The following SP100 variants were observed in gnomAD, a reference collection of about 807,000 sequenced individuals.
SP100 encodes SP100 nuclear body protein, also known as nuclear autoantigen Sp-100.
In SP100, 84 loss-of-function variants were observed where a neutral mutation model predicts 130.0. The ratio of observed to expected loss-of-function variants is 0.65; its 90% confidence interval spans 0.54 to 0.77. SP100 has a LOEUF of 0.77. Among genes scored for constraint, SP100 ranks in the 30% least tolerant of loss-of-function variants. The pLI is 0.00. For synonymous variants in SP100, 331 were observed against 351.7 expected, an observed-to-expected ratio of 0.94 and a Z score of 0.66; for missense variants, 978 against 1,052.2, an observed-to-expected ratio of 0.93 and a Z score of 0.97.
At chr2:230,427,997 G>A (rs1188996065) in intron 2 of SP100, among the ~76,000 whole-genome samples, 1 of 152,152 alleles carries the variant, frequency 6.6e-6, no homozygotes, top group African/African-American at 2.4e-5. Flanking sequence ...TTGAGAGGCC[G>A]AGGTGGGTGG....
chr2:230,467,785 A>T (rs2065038681), intron 13 of SP100, among the ~76,000 whole-genome samples: 1 of 152,194 alleles, frequency 6.6e-6, no homozygotes, highest in Non-Finnish European at 1.5e-5. Flanking sequence ...TCACTGCCAG[A>T]CCTATTAACT....
At chr2:230,442,585 T>G (rs1464983638) in intron 2 of SP100, among the ~76,000 whole-genome samples, 1 of 152,232 alleles carries the variant, frequency 6.6e-6, no homozygotes, top group African/African-American at 2.4e-5. Context: ...TTTATTCCAT[T>G]GTTTTTCATT....
chr2:230,522,253 A>G (rs1691205823), intron 24 of SP100, among the ~76,000 whole-genome samples: 1 of 151,976 alleles, frequency 6.6e-6, no homozygotes, highest in Admixed American at 6.6e-5. Flanking sequence ...TGTTTTGGTG[A>G]TTGTGTGTGT....
Position 230,506,582 on chromosome 2 carries a change from T to C in SP100, c.2013+137T>C, listed in dbSNP as rs1285025319. ...CAGGTCTCCATGCATATGTTATTAC[T>C]AACGTTCTCACCTGAACATTACGTT... On this transcript the variant is annotated intron_variant, in intron 22 of 28. Coordinates refer to ENST00000340126, the MANE Select transcript of SP100 (RefSeq NM_001080391.2). 9 of 786,846 alleles carry C rather than the reference T, an allele frequency of 1.1e-5. No individual in the cohort carries two copies. The East Asian group carries it at 2.4e-4, about 21-fold the overall frequency. The allele number at this position is 786,846 out of a possible 1,614,324, so 48.7% of individuals were successfully genotyped here.
At chr2:230,430,122 T>C (rs1415913321) in intron 2 of SP100, among the ~76,000 whole-genome samples, 4 of 152,236 alleles carry the variant, frequency 2.6e-5, no homozygotes, top group Non-Finnish European at 5.9e-5. Context: ...GGGAAAGCCC[T>C]TCACTAGTCA....
intron 19 of SP100, among the ~76,000 whole-genome samples, chr2:230,501,995 A>C (rs1244055691): frequency 1.3e-5 from 2 of 149,668 alleles, no homozygotes; most frequent in Admixed American, 1.3e-4. Flanking sequence ...CAGCCTCCCG[A>C]GTAGCTGGGA....
At chr2:230,427,379 C>T (rs1220465594) in intron 2 of SP100, among the ~76,000 whole-genome samples, 2 of 152,118 alleles carry the variant, frequency 1.3e-5, no homozygotes, top group African/African-American at 4.8e-5. Context: ...CCAGGCTGGT[C>T]TCGAGCTCCC....
At chr2:230,472,484 A>T (rs2065323602) in intron 15 of SP100, among the ~76,000 whole-genome samples, 1 of 151,436 alleles carries the variant, frequency 6.6e-6, no homozygotes, top group East Asian at 1.9e-4. Context: ...ACAAGCTAGA[A>T]GAGAGAATAG....
rs182984370 is a variant in SP100 at position 230,462,631 on chromosome 2, T to C, written c.1057+113T>C. 7.6e-6 allele frequency: 6 copies of C among 788,744 alleles called. No individual in the cohort carries two copies. In the East Asian group the frequency reaches 1.5e-4, roughly 20 times the overall value. The allele number at this position is 788,744 out of a possible 1,614,324, so 48.9% of individuals were successfully genotyped here. On this transcript the variant is annotated intron_variant, in intron 10 of 28. Transcript: ENST00000340126. ...TCTGTACAATGGATCCAGTTTATCC[T>C]GGGATCCCATTCTTTGCATTAATTT...
Position 230,450,199 on chromosome 2 carries a change from T to G in SP100, c.764T>G (p.Val255Gly), listed in dbSNP as rs2063906826. 1.9e-6 allele frequency: 3 copies of G among 1,613,792 alleles called. No individual in the cohort carries two copies. Among genetic ancestry groups the G allele is most frequent in the Admixed American group, 1.7e-5 (1 of 59,966 alleles). The change falls in exon 8 of 29, where the codon GTG becomes GGG. Residue 255 changes from valine (V) to glycine (G), a missense_variant. Physicochemically the swap from Val to Gly is moderately radical, Grantham distance 109 (BLOSUM62 -3). Coordinates refer to ENST00000340126, the MANE Select transcript of SP100 (RefSeq NM_001080391.2). ...TCCTGCGAACAAATTGCTGTCCAAG[T>G]GAATAATGGGGATGCTGGAAGGGAG... Reference protein sequence around the residue: ...TESCEQIAVQVNNGDAGREMP... With the variant: ...TESCEQIAVQGNNGDAGREMP...
chr2:230,464,184 G>C (rs761313755), intron 11 of SP100, 34 bp downstream of exon 11: 1 of 1,269,762 alleles, frequency 7.9e-7, no homozygotes, highest in Non-Finnish European at 1.2e-6. Context: ...CGAGACTGTA[G>C]AATATCCAGA....
At chr2:230,515,165 C>T (rs2150089227) in intron 24 of SP100, 1 of 1,613,436 alleles carries the variant, frequency 6.2e-7, no homozygotes, top group Non-Finnish European at 8.5e-7. Flanking sequence ...TGCTCAGAGA[C>T]ATGGAAGACC....
chr2:230,524,625 A>G (rs1691341493), intron 24 of SP100, among the ~76,000 whole-genome samples: 1 of 152,218 alleles, frequency 6.6e-6, no homozygotes, highest in Non-Finnish European at 1.5e-5. Context: ...TAAATAAAAT[A>G]TAAATGGATA....
intron 16 of SP100, among the ~76,000 whole-genome samples, chr2:230,474,079 C>T (rs1012650230): frequency 6.6e-6 from 1 of 152,130 alleles, no homozygotes; most frequent in Non-Finnish European, 1.5e-5. Flanking sequence ...TAGTGATTTC[C>T]TATTAACTCT....
intron 2 of SP100, among the ~76,000 whole-genome samples, chr2:230,432,701 C>G (rs2063135193): frequency 6.6e-6 from 1 of 152,002 alleles, no homozygotes; most frequent in African/African-American, 2.4e-5. Flanking sequence ...GGCTTGTCTT[C>G]TTATTGAGTT....
At chr2:230,513,907 C>A (rs571590081) in intron 24 of SP100, among the ~76,000 whole-genome samples, 1 of 152,184 alleles carries the variant, frequency 6.6e-6, no homozygotes, top group Non-Finnish European at 1.5e-5. Context: ...ACTGCAATGA[C>A]TTTTTTGCAC....
chr2:230,509,052 C>A (rs978392398), intron 23 of SP100: 2 of 152,188 alleles, frequency 1.3e-5, no homozygotes, highest in Admixed American at 6.5e-5. Context: ...CCTAGAAAAT[C>A]TTTTCCTTTG....
rs747424642 is a variant in SP100, at chr2:230,442,968, A to G, written c.139A>G (p.Arg47Gly). 1 of 1,613,416 alleles carries G rather than the reference A, an allele frequency of 6.2e-7. No homozygotes were observed. Among genetic ancestry groups the G allele is most frequent in the Admixed American group, 1.7e-5 (1 of 59,942 alleles). Residue 47 changes from arginine (R) to glycine (G), a missense_variant, in exon 3 of 29, where the codon AGG becomes GGG. Physicochemically the swap from Arg to Gly is moderately radical, Grantham distance 125 (BLOSUM62 -2). Transcript: ENST00000340126. ...MFTEDQGVDD[R>G]LLYDIVFKHF... Reference sequence around the variant, plus strand: ...CACGGAAGACCAGGGTGTAGATGACAGGCTGCTCTATGACATTGTATTCAA... The same window carrying G: ...CACGGAAGACCAGGGTGTAGATGACGGGCTGCTCTATGACATTGTATTCAA...
At chr2:230,421,900 C>A (rs936542986) in intron 2 of SP100, among the ~76,000 whole-genome samples, 1 of 152,094 alleles carries the variant, frequency 6.6e-6, no homozygotes, top group Non-Finnish European at 1.5e-5. Context: ...CAATTCTGAC[C>A]ATTTTGCTTG....
Sources: gnomAD v4.1 joint callset for allele counts (sites outside exome capture counted in the v4.1 genomes callset) on GRCh38, gnomAD v4.1.1 for gene constraint, MANE v1.5 for transcripts, NCBI Gene and HGNC (gene_info 2026-07-23, HGNC 2026-07-21) for gene names.